TCF12: variants seen among roughly 807,000 people sequenced by gnomAD.
The protein encoded by TCF12 is transcription factor 12.
A neutral mutation model predicts 86.0 loss-of-function variants in TCF12; 45 were observed. The ratio of observed to expected loss-of-function variants is 0.52; its 90% confidence interval spans 0.41 to 0.67. The LOEUF is 0.67. Among genes scored for constraint, TCF12 ranks in the 30% least tolerant of loss-of-function variants. TCF12 has a pLI of 0.00. For synonymous variants in TCF12, 330 were observed against 299.6 expected, an observed-to-expected ratio of 1.10 and a Z score of -1.05; for missense variants, 881 against 859.9, an observed-to-expected ratio of 1.02 and a Z score of -0.31.
At chr15:57,238,027 A>C (rs2059451357) in intron 12 of TCF12, among the ~76,000 whole-genome samples, 1 of 152,216 alleles carries the variant, frequency 6.6e-6, no homozygotes, top group Non-Finnish European at 1.5e-5. Context: ...AAAAGTATTG[A>C]TAACAATTCT....
At chr15:57,068,574 GTC>G (rs1336896217) in intron 4 of TCF12, among the ~76,000 whole-genome samples, 1 of 152,168 alleles carries the variant, frequency 6.6e-6, no homozygotes, top group African/African-American at 2.4e-5. Flanking sequence ...AAAGTTATCA[GTC>G]TCTCTAGTAT....
rs188554357 is a variant in TCF12, at chr15:56,925,315, A to G, written c.148+4217A>G. Among the ~76,000 whole-genome samples the G allele has an allele frequency of 7.5e-3, 1,114 of 148,470 alleles. 15 individuals carry two copies. Among genetic ancestry groups the G allele is most frequent in the African/African-American group, 0.026 (1,065 of 40,438 alleles). On this transcript the variant is annotated intron_variant, in intron 3 of 20. Coordinates refer to ENST00000333725, the MANE Select transcript of TCF12 (RefSeq NM_207037.2). ...TGAAAAACAATTTGATTAGATCACAACATTTTAGGGGCTTGTTTATTATAT... is the reference window on the plus strand; with the variant it reads ...TGAAAAACAATTTGATTAGATCACAGCATTTTAGGGGCTTGTTTATTATAT...
In TCF12 at chr15:56,920,004, A is replaced by T. The variant is rs763947684; in HGVS notation, c.75+16A>T. 1.2e-6 allele frequency: 2 copies of T among 1,613,458 alleles called. No individual in the cohort carries two copies. Among genetic ancestry groups the T allele is most frequent in the Non-Finnish European group, 1.7e-6 (2 of 1,179,704 alleles). On this transcript the variant is annotated intron_variant, in intron 2 of 20. Transcript: ENST00000333725. ...CTTCAGTGCGGTATGAGAGCTTTCC[A>T]TGGCATCTTGGGGTTCTGCTGAGGT...
At chr15:57,234,923 G>T (rs1304537399) in intron 12 of TCF12, among the ~76,000 whole-genome samples, 1 of 152,070 alleles carries the variant, frequency 6.6e-6, no homozygotes, top group Non-Finnish European at 1.5e-5. Context: ...TCTATGAAGT[G>T]CAATTAACTG....
chr15:57,050,868 GT>G (rs1446564548), intron 3 of TCF12, among the ~76,000 whole-genome samples: 1 of 151,810 alleles, frequency 6.6e-6, no homozygotes, highest in African/African-American at 2.4e-5. Flanking sequence ...TTTTTAAATG[GT>G]TTTCTGTCTT....
At position 57,274,625 on chromosome 15, in the gene TCF12, G is replaced by A. The variant is rs115370883; in HGVS notation, c.1978+1363G>A. ...AATTGTGTCTGACACCCTTTGTCTC[G>A]CTCTGAAGGCAGCAAGGCACCTATG... On this transcript the variant is annotated intron_variant, in intron 19 of 20. Transcript: ENST00000333725. Among the ~76,000 whole-genome samples, 13 of 151,962 alleles carry A rather than the reference G, an allele frequency of 8.6e-5. No homozygotes were observed. The East Asian group carries it at 1.2e-3, about 14-fold the overall frequency.
intron 3 of TCF12, among the ~76,000 whole-genome samples, chr15:56,927,086 G>A (rs2060047768): frequency 6.6e-6 from 1 of 152,160 alleles, no homozygotes; most frequent in African/African-American, 2.4e-5. Context: ...TTGGCTTTCT[G>A]TAGGTAAGAG....
upstream of TCF12, chr15:56,918,271 C>A (rs906052652): frequency 1.1e-5 from 5 of 456,056 alleles, no homozygotes; most frequent in Non-Finnish European, 2.2e-5. Context: ...ACCTGGGCAG[C>A]GGATCCAGAT....
chr15:57,253,239 T>G, intron 15 of TCF12, 23 bp from the exon 16 acceptor site: 1 of 1,602,980 alleles, frequency 6.2e-7, no homozygotes, highest in Non-Finnish European at 8.5e-7. Flanking sequence ...ATAACCACCA[T>G]GTTTTTTTTT....
intron 6 of TCF12, among the ~76,000 whole-genome samples, chr15:57,171,856 A>G (rs1399764754): frequency 6.6e-6 from 1 of 152,236 alleles, no homozygotes; most frequent in East Asian, 1.9e-4. Context: ...AGTTAAGTGA[A>G]AAATCCTTTT....
downstream of TCF12, chr15:57,289,978 T>A (rs2062048837): frequency 6.6e-6 from 1 of 152,038 alleles, no homozygotes; most frequent in African/African-American, 2.4e-5. Flanking sequence ...AAACACTGCA[T>A]TTCTTTTCAG....
intron 3 of TCF12, among the ~76,000 whole-genome samples, chr15:56,931,042 T>G (rs1160492036): frequency 6.6e-6 from 1 of 151,886 alleles, no homozygotes; most frequent in Non-Finnish European, 1.5e-5. Flanking sequence ...GAGATCTGTC[T>G]CTCTCTCTCT....
chr15:57,174,001 C>G (rs1168157430), intron 6 of TCF12, among the ~76,000 whole-genome samples: 3 of 152,128 alleles, frequency 2.0e-5, no homozygotes, highest in African/African-American at 7.2e-5. Flanking sequence ...CCACTGCACC[C>G]GGCCTGTATA....
At chr15:57,045,413 C>T (rs12437713) in intron 3 of TCF12, among the ~76,000 whole-genome samples, 13,054 of 152,200 alleles carry the variant, frequency 0.086, 969 homozygotes, top group Admixed American at 0.22. Flanking sequence ...TATCTTTGTG[C>T]AGCCTGACTG....
chr15:57,051,940 TA>T (rs1346197752), intron 3 of TCF12, among the ~76,000 whole-genome samples: 1 of 152,352 alleles, frequency 6.6e-6, no homozygotes, highest in East Asian at 1.9e-4. Flanking sequence ...CAGTTGACCA[TA>T]CACACATGGA....
chr15:57,267,579 G>T (rs570709441), intron 18 of TCF12, among the ~76,000 whole-genome samples: 1 of 152,150 alleles, frequency 6.6e-6, no homozygotes, highest in African/African-American at 2.4e-5. Context: ...TGGACATACA[G>T]TCTCTGTCAC....
At chr15:57,098,940 G>C (rs2049531669) in intron 5 of TCF12, among the ~76,000 whole-genome samples, 1 of 152,170 alleles carries the variant, frequency 6.6e-6, no homozygotes, top group African/African-American at 2.4e-5. Context: ...GAGTGGATGT[G>C]AGAAGTGGGA....
At chr15:57,216,932 AT>A (rs2058356833) in intron 8 of TCF12, among the ~76,000 whole-genome samples, 1 of 152,042 alleles carries the variant, frequency 6.6e-6, no homozygotes, top group Non-Finnish European at 1.5e-5. Flanking sequence ...TTTGTTGATG[AT>A]TTACTGTTTT....
At chr15:57,068,257 C>G (rs2069074104) in intron 4 of TCF12, among the ~76,000 whole-genome samples, 1 of 152,078 alleles carries the variant, frequency 6.6e-6, no homozygotes, top group South Asian at 2.1e-4. Context: ...ATGGAAATTG[C>G]ATAGATCAAT....
Sources: gnomAD v4.1 joint callset for allele counts (sites outside exome capture counted in the v4.1 genomes callset) on GRCh38, gnomAD v4.1.1 for gene constraint, MANE v1.5 for transcripts, NCBI Gene and HGNC (gene_info 2026-07-23, HGNC 2026-07-21) for gene names.